TEAD2: variants seen among roughly 807,000 people sequenced by gnomAD.
TEAD2 encodes transcriptional enhancer factor TEF-4.
TEAD2 carries 51 observed loss-of-function variants against 61.4 expected under a neutral mutation model. The observed-to-expected ratio is 0.83, with a 90% CI of 0.66 to 1.05. The LOEUF is 1.05. Among genes scored for constraint, TEAD2 ranks in the 50% least tolerant of loss-of-function variants. TEAD2 has a pLI of 0.00. For missense variants in TEAD2, 509 were observed against 600.0 expected, an observed-to-expected ratio of 0.85 and a Z score of 1.58; for synonymous variants, 244 against 243.2, an observed-to-expected ratio of 1.00 and a Z score of -0.03.
intron 7 of TEAD2, among the ~76,000 whole-genome samples, chr19:49,354,288 G>C (rs1000136176): frequency 9.9e-5 from 15 of 151,654 alleles, no homozygotes; most frequent in Admixed American, 6.6e-5. Context: ...GGGATCACTT[G>C]AGCCCAGGAG....
Position 49,347,379 on chromosome 19 carries a change from C to G in TEAD2, c.748-16G>C. 2 of 1,600,338 alleles carry G rather than the reference C, an allele frequency of 1.2e-6. No homozygotes were observed. The highest frequency in any genetic ancestry group is 1.7e-6 in the Non-Finnish European group (2 of 1,175,838). ...GCCTCTGGTACTGAGGAGGGTTGGC[C>G]GTGGGTGAGAAGTCGGAGGTGAGCT... On this transcript the variant is annotated splice_polypyrimidine_tract_variant and intron_variant, in intron 9 of 12. Transcript: ENST00000593945.
chr19:49,348,684 G>A lies in TEAD2; in HGVS notation c.747+19C>T, dbSNP rs254661. ...TATATTTCAAAATCCCTCAGCGACT[G>A]TACCAAAATTTCACTCACAGAATCA... On this transcript the variant is annotated intron_variant, in intron 9 of 12. Coordinates refer to ENST00000593945, the MANE Select transcript of TEAD2 (RefSeq NM_001256660.2). The A allele has an allele frequency of 0.24, 390,428 of 1,608,578 alleles. 49,207 individuals are homozygous for A. The highest frequency in any genetic ancestry group is 0.34 in the African/African-American group (25,554 of 74,762).
At chr19:49,351,074 G>A (rs1011861404) in intron 8 of TEAD2, among the ~76,000 whole-genome samples, 1 of 152,152 alleles carries the variant, frequency 6.6e-6, no homozygotes, top group Non-Finnish European at 1.5e-5. Flanking sequence ...AGCCACTCGG[G>A]AGGCTGAGGC....
chr19:49,347,430 C>T lies in TEAD2; in HGVS notation c.748-67G>A, dbSNP rs1600721619. ...GGATCTCCAGCCTGTGCTGCCTGAG[C>T]CCACCAAATGCCGTCACCATCCCCA... On this transcript the variant is annotated intron_variant, in intron 9 of 12. Transcript: ENST00000593945. The T allele has an allele frequency of 7.7e-6, 12 of 1,557,240 alleles. No homozygotes were observed. In the East Asian group the frequency reaches 2.7e-4, roughly 35 times the overall value.
chr19:49,343,937 C>T (rs1971475156), intron 10 of TEAD2, among the ~76,000 whole-genome samples: 1 of 151,662 alleles, frequency 6.6e-6, no homozygotes, highest in African/African-American at 2.4e-5. Flanking sequence ...CCTCGACCTC[C>T]TGAGCTCAAG....
rs767220739 is a variant in TEAD2 at position 49,341,476 on chromosome 19, G to A, written c.1243-39C>T. On this transcript the variant is annotated intron_variant, in intron 12 of 12. Coordinates refer to ENST00000593945, the MANE Select transcript of TEAD2 (RefSeq NM_001256660.2). The surrounding 1 kb of genome is among the most constrained non-coding windows in gnomAD (Gnocchi z 4.2). ...CAGGACAAGGGACTTATGCTTAGAA[G>A]GGAGGGCAGGGACCCCTGTGCCCCC... 14 of 1,549,056 alleles carry A rather than the reference G, an allele frequency of 9.0e-6. No homozygotes were observed. The highest frequency in any genetic ancestry group is 4.1e-5 in the African/African-American group (3 of 73,568).
At position 49,355,200 on chromosome 19, in the gene TEAD2, C is replaced by T; in HGVS notation, c.487G>A (p.Glu163Lys). ...KLGPTGPQAS[E>K]LFQFWSGGSG... ...CCTCCAGACCAAAACTGGAAAAGCTCAGAGGCCTGGATAGGACACAAAGAA... is the reference window on the plus strand; with the variant it reads ...CCTCCAGACCAAAACTGGAAAAGCTTAGAGGCCTGGATAGGACACAAAGAA... The change falls in exon 7 of 13, where the codon GAG becomes AAG. Residue 163 changes from glutamate (E) to lysine (K), a missense_variant. Coordinates refer to ENST00000593945, the MANE Select transcript of TEAD2 (RefSeq NM_001256660.2). The T allele has an allele frequency of 6.2e-7, 1 of 1,613,138 alleles. No individual in the cohort carries two copies. Among genetic ancestry groups the T allele is most frequent in the Non-Finnish European group, 8.5e-7 (1 of 1,179,548 alleles).
chr19:49,351,784 G>A (rs918674348), intron 7 of TEAD2, among the ~76,000 whole-genome samples: 2 of 152,058 alleles, frequency 1.3e-5, no homozygotes, highest in Non-Finnish European at 2.9e-5. Flanking sequence ...TCAGGAGTTC[G>A]AGACCAGCCT....
chr19:49,346,352 A>G (rs2146348400), intron 10 of TEAD2, among the ~76,000 whole-genome samples: 1 of 151,828 alleles, frequency 6.6e-6, no homozygotes, highest in South Asian at 2.1e-4. Flanking sequence ...TCAATAAATG[A>G]TTGCTACATA....
chr19:49,342,728 A>G, intron 11 of TEAD2, 138 bp from the exon 12 acceptor site: 1 of 1,071,086 alleles, frequency 9.3e-7, no homozygotes. Flanking sequence ...CACCCCACCC[A>G]CAGTGACTGG....
rs1213948273 is a variant in TEAD2 at position 49,345,328 on chromosome 19, T to C, written c.921+1862A>G. On this transcript the variant is annotated intron_variant, in intron 10 of 12. Transcript: ENST00000593945. ...CTTCCTTCTTTCTTTCCTTCTTTCTTTTCTTTCCTTTCTTTCCTTCTTCCT... is the reference window on the plus strand; with the variant it reads ...CTTCCTTCTTTCTTTCCTTCTTTCTCTTCTTTCCTTTCTTTCCTTCTTCCT... Among the ~76,000 whole-genome samples the C allele has an allele frequency of 3.3e-5, 5 of 151,948 alleles. No homozygotes were observed. In the East Asian group the frequency reaches 9.7e-4, roughly 29 times the overall value.
chr19:49,359,984 TCA>T lies in TEAD2; in HGVS notation c.90_91del (p.Ser30ArgfsTer6). The stretch of plus-strand genomic sequence containing the variant: ...CGGGCCCCCGTCACCCCCAGCCCCC[TCA>T]CTGCCGCCGGTACCCTCCTCACTGC... On this transcript the variant is annotated frameshift_variant, in exon 2 of 13. Transcript: ENST00000593945. LOFTEE classifies it high-confidence loss of function. The surrounding 1 kb of genome is among the most constrained non-coding windows in gnomAD (Gnocchi z 4.1). 6.3e-7 allele frequency: 1 copy of T among 1,598,750 alleles called. No individual in the cohort carries two copies. Among genetic ancestry groups the T allele is most frequent in the Non-Finnish European group, 8.5e-7 (1 of 1,171,260 alleles).
At chr19:49,347,511 C>T (rs1971730734) in intron 9 of TEAD2, 148 bp from the exon 10 acceptor site, 3 of 849,384 alleles carry the variant, frequency 3.5e-6, no homozygotes, top group Non-Finnish European at 3.6e-6. Flanking sequence ...GACTGCCACC[C>T]ATCGTCCCCA....
At chr19:49,362,160 AC>A (rs1401406707) in intron 1 of TEAD2, among the ~76,000 whole-genome samples, 172 bp downstream of exon 1, 3 of 151,886 alleles carry the variant, frequency 2.0e-5, no homozygotes, top group Non-Finnish European at 4.4e-5. Context: ...CCAAACTCAG[AC>A]CCAGCCGCAG....
Position 49,359,714 on chromosome 19 carries a change from C to A in TEAD2, c.232+130G>T, listed in dbSNP as rs900157279. 1.1e-5 allele frequency: 12 copies of A among 1,093,244 alleles called. No individual in the cohort carries two copies. The highest frequency in any genetic ancestry group is 1.5e-5 in the Non-Finnish European group (11 of 743,516). The allele number at this position is 1,093,244 out of a possible 1,614,324, so 67.7% of individuals were successfully genotyped here. A position where few individuals can be genotyped will look rare whatever the true frequency, so the allele number is the denominator to read the frequency against. On this transcript the variant is annotated intron_variant, in intron 2 of 12. Coordinates refer to ENST00000593945, the MANE Select transcript of TEAD2 (RefSeq NM_001256660.2). The surrounding 1 kb of genome is among the most constrained non-coding windows in gnomAD (Gnocchi z 4.1). Reference sequence around the variant, plus strand: ...TGCGACCATAAGCAAATCACTTAACCTAGCTGTGCCTCAGTTTCCTCATCT... The same window carrying A: ...TGCGACCATAAGCAAATCACTTAACATAGCTGTGCCTCAGTTTCCTCATCT...
At chr19:49,342,118 G>C (rs1003924769) in intron 12 of TEAD2, among the ~76,000 whole-genome samples, 9 of 152,180 alleles carry the variant, frequency 5.9e-5, no homozygotes, top group Non-Finnish European at 8.8e-5. Context: ...CTTGAACCCG[G>C]GAGGCAGAGG....
intron 10 of TEAD2, among the ~76,000 whole-genome samples, chr19:49,343,825 G>GT (rs1162781397): frequency 7.9e-6 from 1 of 126,206 alleles, no homozygotes; most frequent in East Asian, 2.4e-4. Flanking sequence ...GTGTTGTTTT[G>GT]TTTTTTTGTT....
At position 49,342,550 on chromosome 19, in the gene TEAD2, C is replaced by A. The variant is rs772454011; in HGVS notation, c.1130G>T (p.Arg377Leu). 1.2e-6 allele frequency: 2 copies of A among 1,613,836 alleles called. No homozygotes were observed. Among genetic ancestry groups the A allele is most frequent in the South Asian group, 1.1e-5 (1 of 91,080 alleles). The stretch of plus-strand genomic sequence containing the variant: ...CTCGCACATGGGCGAGCGCAGCAGG[C>A]GGTACACAAATCTGCCGTCCTCCAG... ...AQLEDGRFVY[R>L]LLRSPMCEYL... The change falls in exon 12 of 13, where the codon CGC (arginine) becomes CTC (leucine). Residue 377 changes from arginine to leucine, a missense_variant. Coordinates refer to ENST00000593945, the MANE Select transcript of TEAD2 (RefSeq NM_001256660.2).
chr19:49,357,347 C>A lies in TEAD2; in HGVS notation c.298-33G>T, dbSNP rs754823515. The A allele has an allele frequency of 2.5e-5, 41 of 1,609,612 alleles. No individual in the cohort carries two copies. In the East Asian group the frequency reaches 9.1e-4, roughly 36 times the overall value. ...GATCAACGGAGAAGCAGATTCAGGC[C>A]ACAGCCACCGCCCCTGTGTTCACTA... On this transcript the variant is annotated intron_variant, in intron 3 of 12. Transcript: ENST00000593945.
Sources: gnomAD v4.1 joint callset for allele counts (sites outside exome capture counted in the v4.1 genomes callset) on GRCh38, gnomAD v4.1.1 for gene constraint, Gnocchi (gnomAD v3.1) non-coding constraint, MANE v1.5 for transcripts, NCBI Gene and HGNC (gene_info 2026-07-23, HGNC 2026-07-21) for gene names.